Variants in DPP6 observed in about 807,000 individuals in gnomAD.
DPP6 encodes dipeptidyl peptidase like 6.
A neutral mutation model predicts 122.6 loss-of-function variants in DPP6; 69 were observed. That is an observed-to-expected ratio of 0.56 (90% CI 0.46 to 0.69). The LOEUF (loss-of-function observed/expected upper bound fraction) is 0.69, where lower values mean the gene tolerates loss of function less well. Ranked by LOEUF, DPP6 falls within the 30% of genes least tolerant of loss-of-function variation. The pLI, the probability that DPP6 is intolerant of heterozygous loss-of-function variation, is 0.00. For missense variants in DPP6, 928 were observed against 1,116.9 expected, an observed-to-expected ratio of 0.83 and a Z score of 2.41; for synonymous variants, 418 against 433.1, an observed-to-expected ratio of 0.97 and a Z score of 0.43.
At chr7:154,052,126 C>G (rs1800381688), upstream of DPP6, among the ~76,000 whole-genome samples, 1 of 151,070 alleles carries the variant, frequency 6.6e-6, no homozygotes, top group African/African-American at 2.4e-5. The surrounding 1 kb of genome is among the most constrained non-coding windows in gnomAD (Gnocchi z 4.8). Context: ...GCACTCGCAG[C>G]ACTACCTTCG....
chr7:154,008,653 CTTTTCTTTTT>C (rs1798016865), intron 1 of DPP6, among the ~76,000 whole-genome samples: 2 of 140,636 alleles, frequency 1.4e-5, no homozygotes, highest in South Asian at 2.3e-4. Flanking sequence ...AATATTATTT[CTTTTCTTTTT>C]TTTTTTTTTT....
chr7:154,596,525 G>T (rs184483727), intron 5 of DPP6, among the ~76,000 whole-genome samples: 1 of 152,164 alleles, frequency 6.6e-6, no homozygotes, highest in Admixed American at 6.5e-5. Context: ...TAAGACAATG[G>T]ATAGCAAGAG....
At chr7:154,785,952 T>A (rs1229709818) in intron 10 of DPP6, among the ~76,000 whole-genome samples, 2 of 152,212 alleles carry the variant, frequency 1.3e-5, no homozygotes, top group Non-Finnish European at 2.9e-5. Context: ...TCTGTTGCAT[T>A]GCCCTTTTCC....
chr7:154,114,924 G>T (rs1052908225), intron 1 of DPP6, among the ~76,000 whole-genome samples: 2 of 152,170 alleles, frequency 1.3e-5, no homozygotes, highest in Non-Finnish European at 1.5e-5. Context: ...TCAAATACAG[G>T]CATGAGGCAG....
chr7:154,413,629 A>G (rs1816795877), intron 1 of DPP6, among the ~76,000 whole-genome samples: 1 of 152,224 alleles, frequency 6.6e-6, no homozygotes, highest in Non-Finnish European at 1.5e-5. Context: ...AAAGGCTTCA[A>G]ATAGCAACCC....
intron 1 of DPP6, among the ~76,000 whole-genome samples, chr7:154,236,338 C>A (rs754611310): frequency 2.3e-4 from 35 of 152,264 alleles, no homozygotes; most frequent in Middle Eastern, 6.8e-3. Flanking sequence ...CACAATATAT[C>A]AGCATGCCTA....
At chr7:154,197,058 T>G (rs1041793009) in intron 1 of DPP6, among the ~76,000 whole-genome samples, 5 of 151,996 alleles carry the variant, frequency 3.3e-5, no homozygotes, top group Admixed American at 6.6e-5. Context: ...ATTTCCAGCC[T>G]CACTGCCCAC....
chr7:154,345,060 A>G (rs368772103), intron 1 of DPP6, among the ~76,000 whole-genome samples: 4 of 152,364 alleles, frequency 2.6e-5, no homozygotes, highest in South Asian at 2.1e-4. Flanking sequence ...CTATACCAAG[A>G]TACCATAGAC....
At chr7:154,450,908 T>C (rs980157406) in intron 2 of DPP6, among the ~76,000 whole-genome samples, 1 of 152,220 alleles carries the variant, frequency 6.6e-6, no homozygotes, top group Non-Finnish European at 1.5e-5. Context: ...TTGTGCTTTG[T>C]GTAAGAACAT....
At chr7:153,795,159 G>A in the DPP6 span, among the ~76,000 whole-genome samples, 16 of 152,340 alleles carry the variant, frequency 1.1e-4, no homozygotes, top group East Asian at 2.7e-3. Flanking sequence ...GCTTACGCCT[G>A]TAATCCTAGC....
In DPP6 at chr7:154,854,453, G is replaced by T. The variant is rs560718290; in HGVS notation, c.1714+626G>T. ...CTAAGAGAAGGCATCAGTGGGAGGC[G>T]ATTTTTGCTAAGCTGACCTCACAAG... On this transcript the variant is annotated intron_variant, in intron 17 of 25. Coordinates refer to ENST00000377770, the MANE Select transcript of DPP6 (RefSeq NM_130797.4). Among the ~76,000 whole-genome samples, 4 of 151,842 alleles carry T rather than the reference G, an allele frequency of 2.6e-5. No homozygotes were observed. The South Asian group carries it at 8.3e-4, about 32-fold the overall frequency.
chr7:154,771,341 G>A (rs1311647045), intron 9 of DPP6, among the ~76,000 whole-genome samples: 1 of 152,226 alleles, frequency 6.6e-6, no homozygotes, highest in Non-Finnish European at 1.5e-5. Context: ...TAGGGTTCCG[G>A]CTGATTTGGT....
rs3115122 is a variant in DPP6 at position 154,133,189 on chromosome 7, C to T, written c.243+80126C>T. 6.6e-5 allele frequency among the ~76,000 whole-genome samples: 10 copies of T among 152,304 alleles called. No individual in the cohort carries two copies. In the South Asian group the frequency reaches 1.9e-3, roughly 28 times the overall value. The stretch of plus-strand genomic sequence containing the variant: ...TTATTATATACCTCATAGAAACAGG[C>T]TCACAGAGGAGAAATTGAATGCCCC... On this transcript the variant is annotated intron_variant, in intron 1 of 25. Coordinates refer to ENST00000377770, the MANE Select transcript of DPP6 (RefSeq NM_130797.4).
intron 1 of DPP6, among the ~76,000 whole-genome samples, chr7:154,166,732 G>A (rs552216511): frequency 1.4e-5 from 2 of 145,714 alleles, no homozygotes; most frequent in South Asian, 2.1e-4. Context: ...CCAACATGGC[G>A]AAACCCTGTC....
At chr7:154,023,192 ACTTACC>A (rs1368042047) in intron 1 of DPP6, among the ~76,000 whole-genome samples, 1 of 151,894 alleles carries the variant, frequency 6.6e-6, no homozygotes, top group Non-Finnish European at 1.5e-5. Flanking sequence ...AAAGGTGCAG[ACTTACC>A]CTTGGCATCT....
chr7:154,039,301 G>T (rs1799654181), intron 1 of DPP6, among the ~76,000 whole-genome samples: 1 of 148,144 alleles, frequency 6.8e-6, no homozygotes, highest in South Asian at 2.1e-4. Context: ...TTTTGAAACT[G>T]ATTGAAAACA....
chr7:154,365,808 A>T (rs1236377141), intron 1 of DPP6, among the ~76,000 whole-genome samples: 1 of 152,060 alleles, frequency 6.6e-6, no homozygotes, highest in Non-Finnish European at 1.5e-5. Flanking sequence ...AATACCAAAA[A>T]TTAGCCACAC....
chr7:153,844,409 AT>A, the DPP6 span, among the ~76,000 whole-genome samples: 1 of 152,220 alleles, frequency 6.6e-6, no homozygotes, highest in Admixed American at 6.5e-5. Flanking sequence ...AAAATTAACA[AT>A]AGTGGATCCT....
intron 7 of DPP6, among the ~76,000 whole-genome samples, chr7:154,691,586 G>A (rs1038875254): frequency 3.9e-5 from 6 of 152,172 alleles, no homozygotes; most frequent in Admixed American, 3.3e-4. Context: ...TTGGGAAGCC[G>A]AGGCGGGTGG....
Sources: allele counts gnomAD v4.1 joint callset (sites outside exome capture counted in the v4.1 genomes callset), GRCh38; gene constraint gnomAD v4.1.1; non-coding constraint Gnocchi (gnomAD v3.1); transcripts MANE v1.5; gene names NCBI Gene and HGNC (gene_info 2026-07-23, HGNC 2026-07-21).